VPS35: variants seen among roughly 807,000 people sequenced by gnomAD.
The protein encoded by VPS35 is VPS35 retromer complex component, also known as vacuolar protein sorting-associated protein 35.
Under a neutral mutation model 98.1 loss-of-function variants are expected in VPS35, and 21 were observed. That is an observed-to-expected ratio of 0.21 (90% CI 0.15 to 0.31). The LOEUF is 0.31. Ranked by LOEUF, VPS35 falls within the 10% of genes least tolerant of loss-of-function variation. VPS35 has a pLI of 1.00. For missense variants in VPS35, 554 were observed against 950.8 expected (o/e 0.58, Z 5.49); for synonymous variants, 268 against 318.2 (o/e 0.84, Z 1.68).
chr16:46,660,845 C>T (rs1260064823), intron 16 of VPS35, 194 bp from the exon 17 acceptor site: 2 of 623,202 alleles, frequency 3.2e-6, no homozygotes, highest in South Asian at 1.6e-5. Flanking sequence ...AAAAACAACC[C>T]TTTAAAACAA....
rs1237639060 is a variant in VPS35 at position 46,669,037 on chromosome 16, G to A, written c.1540C>T (p.Arg514Ter). 1 of 1,614,028 alleles carries A rather than the reference G, an allele frequency of 6.2e-7. No individual in the cohort carries two copies. The highest frequency in any genetic ancestry group is 8.5e-7 in the Non-Finnish European group (1 of 1,179,996). Residue 514 changes from arginine to a stop codon, truncating the protein, a stop_gained, in exon 13 of 17, where the codon CGA (arginine) becomes TGA (stop). Coordinates refer to ENST00000299138, the MANE Select transcript of VPS35 (RefSeq NM_018206.6). LOFTEE classifies it high-confidence loss of function. ...TTTCCACCAGCTCCAAAATGTTTTC[G>A]TGCTGTGTTCAAAATCTGACCCAAA... ...DQQYLILNTA[R>*]KHFGAGGNQR...
chr16:46,664,314 G>A (rs1272223943), intron 13 of VPS35, among the ~76,000 whole-genome samples: 6 of 150,318 alleles, frequency 4.0e-5, no homozygotes, highest in Non-Finnish European at 5.9e-5. Flanking sequence ...GCGCCACCAC[G>A]CCCTGCTATT....
Position 46,661,296 on chromosome 16 carries a change from C to T in VPS35, c.2211+422G>A, listed in dbSNP as rs139500607. 7.8e-3 allele frequency among the ~76,000 whole-genome samples: 1,193 copies of T among 152,316 alleles called. 17 individuals carry two copies. The highest frequency in any genetic ancestry group is 0.027 in the African/African-American group (1,132 of 41,572). On this transcript the variant is annotated intron_variant, in intron 16 of 16. Coordinates refer to ENST00000299138, the MANE Select transcript of VPS35 (RefSeq NM_018206.6). The surrounding 1 kb of genome is among the most constrained non-coding windows in gnomAD (Gnocchi z 4.3). ...CCAGGCAGGAGTGCAATGGCACAGT[C>T]TTGGCTCACTGCAGCCTCCACCTCC... is the stretch of plus-strand genomic sequence containing the variant.
intron 13 of VPS35, among the ~76,000 whole-genome samples, chr16:46,668,148 C>T (rs780934334): frequency 6.6e-6 from 1 of 152,178 alleles, no homozygotes; most frequent in Non-Finnish European, 1.5e-5. Flanking sequence ...ACAATCCTAG[C>T]ACTTTGAGAG....
intron 13 of VPS35, among the ~76,000 whole-genome samples, chr16:46,665,150 G>A (rs1033594689): frequency 3.9e-5 from 6 of 152,106 alleles, no homozygotes; most frequent in African/African-American, 1.4e-4. Flanking sequence ...TCACACCATC[G>A]CCATTGCTGA....
intron 13 of VPS35, among the ~76,000 whole-genome samples, chr16:46,663,427 G>T (rs1965942152): frequency 6.6e-6 from 1 of 152,210 alleles, no homozygotes; most frequent in Admixed American, 6.5e-5. Flanking sequence ...TGTTGCCCAG[G>T]CTGGAGTGCA....
Position 46,658,921 on chromosome 16 carries a change from T to G in VPS35, c.*1551A>C, listed in dbSNP as rs1965868336. On this transcript the variant is annotated 3_prime_UTR_variant, in exon 17 of 17. Coordinates refer to ENST00000299138, the MANE Select transcript of VPS35 (RefSeq NM_018206.6). ...AATTTTCCCTTTAAGAGGTGGAGCT[T>G]AATTCTCCTTACCCTTGAATATAGG... is the stretch of plus-strand genomic sequence containing the variant. 1 of 152,194 alleles carries G rather than the reference T, an allele frequency of 6.6e-6. No individual in the cohort carries two copies. The highest frequency in any genetic ancestry group is 1.5e-5 in the Non-Finnish European group (1 of 68,040). The allele number at this position is 152,194 out of a possible 1,614,324, so 9.4% of individuals were successfully genotyped here.
At position 46,658,994 on chromosome 16, in the gene VPS35, G is replaced by T. The variant is rs539333964; in HGVS notation, c.*1478C>A. The T allele has an allele frequency of 2.0e-5, 3 of 152,424 alleles. No individual in the cohort carries two copies. The South Asian group carries it at 6.2e-4, about 32-fold the overall frequency. The allele number at this position is 152,424 out of a possible 1,614,324, so 9.4% of individuals were successfully genotyped here. A position where few individuals can be genotyped will look rare whatever the true frequency, so the allele number is the denominator to read the frequency against. ...TACAGAATAAGGCAAAAATGAGCAT[G>T]TCACTTCCACAGGGAGGCCACTGAA... On this transcript the variant is annotated 3_prime_UTR_variant, in exon 17 of 17. Transcript: ENST00000299138.
chr16:46,669,213 T>G (rs1307922733), intron 12 of VPS35, 161 bp from the exon 13 acceptor site: 1 of 898,854 alleles, frequency 1.1e-6, no homozygotes, highest in Non-Finnish European at 1.7e-6. Context: ...CCTCAAGTTG[T>G]CACAACAACC....
chr16:46,662,213 C>G (rs776495649), intron 15 of VPS35, 30 bp downstream of exon 15: 1 of 1,614,014 alleles, frequency 6.2e-7, no homozygotes, highest in Non-Finnish European at 8.5e-7. Context: ...TGGATCCTGT[C>G]TGCTATCATG....
In VPS35 at chr16:46,688,727, T is replaced by G. The variant is rs1966365254; in HGVS notation, c.3+404A>C. Reference sequence around the variant, plus strand: ...GGTAGAAACGCAACATCTGGGCGGGTCCCGGCGCCACCTCCGAGTCTCAGG... The same window carrying G: ...GGTAGAAACGCAACATCTGGGCGGGGCCCGGCGCCACCTCCGAGTCTCAGG... On this transcript the variant is annotated intron_variant, in intron 1 of 16. Coordinates refer to ENST00000299138, the MANE Select transcript of VPS35 (RefSeq NM_018206.6). 2.9e-5 allele frequency: 34 copies of G among 1,179,410 alleles called. No homozygotes were observed. The South Asian group carries it at 7.5e-4, about 26-fold the overall frequency. 73.1% of individuals were successfully genotyped at this position (1,179,410 alleles called of 1,614,324 possible). A position where few individuals can be genotyped will look rare whatever the true frequency, so the allele number is the denominator to read the frequency against.
chr16:46,677,635 A>C (rs1480402359), intron 6 of VPS35: 3 of 481,678 alleles, frequency 6.2e-6, no homozygotes, highest in Middle Eastern at 6.2e-4. Flanking sequence ...TCCTAGGCTC[A>C]AGTCATCCTC....
chr16:46,675,991 G>A (rs981056300), intron 8 of VPS35, among the ~76,000 whole-genome samples: 2 of 146,626 alleles, frequency 1.4e-5, no homozygotes, highest in Admixed American at 1.4e-4. Flanking sequence ...CTTGAACCTA[G>A]GAGTCAGAGG....
At chr16:46,669,174 A>G in intron 12 of VPS35, 122 bp from the exon 13 acceptor site, 1 of 1,244,024 alleles carries the variant, frequency 8.0e-7, no homozygotes, top group African/African-American at 1.5e-5. Context: ...ACCATACTTT[A>G]TGGTAGGCAA....
intron 13 of VPS35, among the ~76,000 whole-genome samples, chr16:46,667,831 T>C (rs1030125027): frequency 3.3e-5 from 5 of 152,186 alleles, no homozygotes; most frequent in African/African-American, 1.2e-4. Flanking sequence ...GTTTATTGCA[T>C]ATGTGTGGGT....
In VPS35 at chr16:46,679,108, G is replaced by A. The variant is rs1184114880; in HGVS notation, c.555C>T (p.Leu185=). 4.3e-6 allele frequency: 7 copies of A among 1,613,640 alleles called. No homozygotes were observed. Among genetic ancestry groups the A allele is most frequent in the Non-Finnish European group, 5.9e-6 (7 of 1,179,906 alleles). Reference sequence around the variant, plus strand: ...AGAGCTTGTTCATTTCTGCAAAGTTGAGCAGTACAAAATCCATGGAATCAC... The same window carrying A: ...AGAGCTTGTTCATTTCTGCAAAGTTAAGCAGTACAAAATCCATGGAATCAC... ...DISDSMDFVL[L]NFAEMNKLWV... Residue 185 remains leucine (L), a synonymous_variant, in exon 6 of 17, where the codon CTC becomes CTT. Transcript: ENST00000299138.
At position 46,688,425 on chromosome 16, in the gene VPS35, GCTT is replaced by G. The variant is rs1966358497; in HGVS notation, c.3+703_3+705del. On this transcript the variant is annotated intron_variant, in intron 1 of 16. Transcript: ENST00000299138. The stretch of plus-strand genomic sequence containing the variant: ...TAGACGGGCCCTAAGGAGAAGTACT[GCTT>G]CCAGCAAGTCAAATACTTGGATTTT... 3.0e-6 allele frequency: 3 copies of G among 987,036 alleles called. No individual in the cohort carries two copies. In the African/African-American group the frequency reaches 5.2e-5, roughly 17 times the overall value. The allele number at this position is 987,036 out of a possible 1,614,324, so 61.1% of individuals were successfully genotyped here. A position where few individuals can be genotyped will look rare whatever the true frequency, so the allele number is the denominator to read the frequency against.
chr16:46,687,613 C>G (rs1235952893), intron 1 of VPS35, among the ~76,000 whole-genome samples: 1 of 152,134 alleles, frequency 6.6e-6, no homozygotes, highest in Non-Finnish European at 1.5e-5. Context: ...TTAAGTTCTA[C>G]AAGCGTGTCT....
Position 46,656,202 on chromosome 16 carries a change from C to G in VPS35, c.*4270G>C, listed in dbSNP as rs1965842549. On this transcript the variant is annotated 3_prime_UTR_variant, in exon 17 of 17. Transcript: ENST00000299138. ...TAGAAGATACGGCTCCTTTCCAATG[C>G]AACGTCTCTGGGTAGGTGGAGGAAT... The G allele has an allele frequency of 6.6e-6, 1 of 152,124 alleles. No homozygotes were observed. The highest frequency in any genetic ancestry group is 2.4e-5 in the African/African-American group (1 of 41,422). The allele number at this position is 152,124 out of a possible 1,614,324, so 9.4% of individuals were successfully genotyped here.
Sources: allele counts gnomAD v4.1 joint callset (sites outside exome capture counted in the v4.1 genomes callset), GRCh38; gene constraint gnomAD v4.1.1; non-coding constraint Gnocchi (gnomAD v3.1); transcripts MANE v1.5; gene names NCBI Gene and HGNC (gene_info 2026-07-23, HGNC 2026-07-21).